Variants in ARMCX4 observed in about 807,000 individuals in gnomAD.
ARMCX4 encodes armadillo repeat containing X-linked 4.
Under a neutral mutation model 34.7 loss-of-function variants are expected in ARMCX4, and 3 were observed. The ratio of observed to expected loss-of-function variants is 0.09; its 90% CI spans 0.04 to 0.22. The LOEUF (loss-of-function observed/expected upper bound fraction) is 0.22, where lower values mean the gene tolerates loss of function less well. ARMCX4 is among the 10% of genes least tolerant of loss of function. The pLI is 1.00. For missense variants in ARMCX4, 1,448 were observed against 1,720.8 expected (o/e 0.84, Z 2.81); for synonymous variants, 513 against 632.8 (o/e 0.81, Z 2.84).
intron 2 of ARMCX4, among the ~76,000 whole-genome samples, chrX:101,439,193 T>C (rs1178901267): frequency 8.9e-6 from 1 of 111,843 alleles, no homozygotes; most frequent in East Asian, 2.8e-4. Flanking sequence ...CAGCATTTGC[T>C]TGTCTGTAAA....
chrX:101,435,361 T>C (rs1930646087), intron 2 of ARMCX4, among the ~76,000 whole-genome samples: 1 of 111,632 alleles, frequency 9.0e-6, no homozygotes, highest in Admixed American at 9.5e-5. Context: ...CTCATTGTGG[T>C]TTTGATTTGC....
rs962218374 is a variant in ARMCX4, at chrX:101,489,813, T to G, written c.1224T>G (p.Thr408=). The part of the protein sequence containing the change: ...AAAQPQAVAS[T]HAEAMSDAKV... ...CTCAGCCTCAAGCTGTTGCCAGTAC[T>G]CACGCTGAGGCCATGTCTGATGCTA... Residue 408 remains threonine, a synonymous_variant, in exon 6 of 6, where the codon ACT becomes ACG. Transcript: ENST00000423738. 1 of 1,154,280 alleles carries G rather than the reference T, an allele frequency of 8.7e-7. No homozygotes were observed. The highest frequency in any genetic ancestry group is 1.8e-5 in the African/African-American group (1 of 55,807).
intron 2 of ARMCX4, among the ~76,000 whole-genome samples, chrX:101,421,157 C>T (rs1190647828): frequency 8.0e-5 from 8 of 99,806 alleles, no homozygotes; most frequent in Middle Eastern, 5.3e-3. Flanking sequence ...GAGCTGAGAT[C>T]GCGCCATTGC....
intron 11 of ARMCX4, among the ~76,000 whole-genome samples, chrX:101,511,744 A>G (rs897823864): frequency 9.1e-6 from 1 of 109,817 alleles, no homozygotes; most frequent in Non-Finnish European, 1.9e-5. Flanking sequence ...TCCCACCTCA[A>G]CCTCTGTAGG....
chrX:101,533,224 T>C (rs1180945355), exon 13 of ARMCX4: 8 of 110,036 alleles, frequency 7.3e-5, no homozygotes, highest in African/African-American at 2.3e-4. Flanking sequence ...GGCTATGTTT[T>C]ATTGGCAGGG....
intron 11 of ARMCX4, among the ~76,000 whole-genome samples, chrX:101,515,063 G>A (rs1280043235): frequency 9.0e-6 from 1 of 111,447 alleles, no homozygotes; most frequent in Non-Finnish European, 1.9e-5. Context: ...GAAACTTCCA[G>A]GTCATTTATA....
At chrX:101,465,603 G>A (rs1397707187) in intron 4 of ARMCX4, among the ~76,000 whole-genome samples, 1 of 111,883 alleles carries the variant, frequency 8.9e-6, no homozygotes, top group African/African-American at 3.2e-5. Flanking sequence ...TATTATTGCC[G>A]CATGGTGTTT....
Position 101,455,865 on chromosome X carries a change from A to C in ARMCX4, c.-473+9821A>C, listed in dbSNP as rs112540140. Among the ~76,000 whole-genome samples the C allele has an allele frequency of 9.3e-3, 1,032 of 110,601 alleles. 7 individuals are homozygous for C. The highest frequency in any genetic ancestry group is 0.032 in the African/African-American group (960 of 30,363). On this transcript the variant is annotated intron_variant and NMD_transcript_variant, in intron 4 of 15. Transcript: ENST00000433011. Reference sequence around the variant, plus strand: ...GTCTGTTGTTTTCATCTTTATGTCCATGTGCACCCAATGTTTAGCTCCCAC... The same window carrying C: ...GTCTGTTGTTTTCATCTTTATGTCCCTGTGCACCCAATGTTTAGCTCCCAC...
At chrX:101,475,803 G>A (rs1238394102) in intron 4 of ARMCX4, among the ~76,000 whole-genome samples, 3 of 111,336 alleles carry the variant, frequency 2.7e-5, no homozygotes, top group African/African-American at 9.8e-5. Flanking sequence ...CCTAGAAAAT[G>A]TAACACAATC....
Position 101,491,033 on chromosome X carries a change from T to G in ARMCX4, c.2444T>G (p.Val815Gly). The change falls in exon 6 of 6, where the codon GTG (valine) becomes GGG (glycine). Residue 815 changes from valine (V) to glycine (G), a missense_variant. Val to Gly is a moderately radical substitution (Grantham distance 109). This residue lies in a region of ARMCX4 where 1,343 missense variants were observed against 1,540.7 expected (regional missense o/e 0.87). Coordinates refer to ENST00000423738, the MANE Select transcript of ARMCX4 (RefSeq NM_001256155.3). The stretch of plus-strand genomic sequence containing the variant: ...AAGGTCAGGGGAAATTGGAATGCTG[T>G]GTCTAAGGCAGGGGCTGGGATGGAT... ...KNKVRGNWNA[V>G]SKAGAGMDTR... is the part of the protein sequence containing the mutation. The G allele has an allele frequency of 8.7e-7, 1 of 1,153,637 alleles. No homozygotes were observed. The highest frequency in any genetic ancestry group is 1.1e-6 in the Non-Finnish European group (1 of 872,316).
chrX:101,418,917 C>A (rs886421041), exon 2 of ARMCX4: 1 of 110,206 alleles, frequency 9.1e-6, no homozygotes, highest in East Asian at 2.8e-4. Flanking sequence ...TAGAAACTCG[C>A]ATTGTCTACT....
intron 11 of ARMCX4, among the ~76,000 whole-genome samples, chrX:101,524,738 T>A (rs1306020284): frequency 2.7e-5 from 3 of 111,166 alleles, no homozygotes; most frequent in Non-Finnish European, 3.8e-5. Context: ...GCAACTAGGC[T>A]GGGGGAGGGG....
downstream of ARMCX4, among the ~76,000 whole-genome samples, chrX:101,452,066 T>C (rs1442772346): frequency 8.9e-6 from 1 of 112,335 alleles, no homozygotes; most frequent in East Asian, 2.8e-4. Context: ...GTGGTCTTTT[T>C]CTTTTAGGAA....
chrX:101,490,630 T>G lies in ARMCX4; in HGVS notation c.2041T>G (p.Leu681Val). 2 of 1,156,486 alleles carry G rather than the reference T, an allele frequency of 1.7e-6. No homozygotes were observed. Among genetic ancestry groups the G allele is most frequent in the South Asian group, 3.8e-5 (2 of 52,798 alleles). The change falls in exon 6 of 6, where the codon TTG becomes GTG. Residue 681 changes from leucine (L) to valine (V), a missense_variant. By Grantham distance (32) the Leu-to-Val change is conservative. Coordinates refer to ENST00000423738, the MANE Select transcript of ARMCX4 (RefSeq NM_001256155.3). ...QIMASSKGEA[L>V]LDSKNKVKGN... ...TATGGCCAGTTCCAAGGGTGAGGCC[T>G]TGCTTGATTCTAAGAATAAGGTCAA...
chrX:101,437,481 C>T (rs191461280), intron 2 of ARMCX4, among the ~76,000 whole-genome samples: 16 of 111,504 alleles, frequency 1.4e-4, no homozygotes, highest in African/African-American at 3.9e-4. Flanking sequence ...TCTGTGGGAT[C>T]GGTGGTGATA....
intron 1 of ARMCX4, chrX:101,418,653 G>C (rs1929041338): frequency 9.0e-6 from 1 of 111,678 alleles, no homozygotes; most frequent in Admixed American, 9.4e-5. Flanking sequence ...GAGTGATCTC[G>C]GGCCGGTCCC....
chrX:101,433,543 A>C (rs928192675), intron 2 of ARMCX4, among the ~76,000 whole-genome samples: 1 of 111,826 alleles, frequency 8.9e-6, no homozygotes, highest in Non-Finnish European at 1.9e-5. Context: ...CTCATCTGTC[A>C]CATCTGTTTC....
chrX:101,509,169 G>A (rs1243563317), intron 8 of ARMCX4, among the ~76,000 whole-genome samples: 1 of 111,729 alleles, frequency 9.0e-6, no homozygotes, highest in Non-Finnish European at 1.9e-5. Flanking sequence ...TCTGGACAAA[G>A]TTTCTCTTGG....
At chrX:101,529,441 A>C (rs1325876055) in intron 11 of ARMCX4, among the ~76,000 whole-genome samples, 1 of 112,060 alleles carries the variant, frequency 8.9e-6, no homozygotes, top group Non-Finnish European at 1.9e-5. Context: ...TTCATGTCTA[A>C]AACACCAAAA....
Sources: gnomAD v4.1 joint callset for allele counts (sites outside exome capture counted in the v4.1 genomes callset) on GRCh38, gnomAD v4.1.1 for gene constraint, gnomAD v4.1.1 regional missense constraint, MANE v1.5 for transcripts, NCBI Gene and HGNC (gene_info 2026-07-23, HGNC 2026-07-21) for gene names.